TAFA1: variants seen among roughly 807,000 people sequenced by gnomAD.
TAFA1 encodes chemokine-like protein TAFA-1.
In TAFA1, 4 loss-of-function variants were observed where a neutral mutation model predicts 18.5. That is an observed-to-expected ratio of 0.22 (90% CI 0.11 to 0.49). The LOEUF is 0.49. Ranked by LOEUF, TAFA1 falls within the 20% of genes least tolerant of loss-of-function variation. The pLI is 0.98. For missense variants in TAFA1, 147 were observed against 169.0 expected (o/e 0.87, Z 0.72); for synonymous variants, 56 against 55.2 (o/e 1.01, Z -0.06).
intron 2 of TAFA1, among the ~76,000 whole-genome samples, chr3:68,146,880 C>A (rs559992858): frequency 6.6e-6 from 1 of 152,008 alleles, no homozygotes; most frequent in African/African-American, 2.4e-5. Context: ...GGTAAGCCTA[C>A]CTTTATACAA....
chr3:68,158,617 G>T (rs898347530), intron 2 of TAFA1, among the ~76,000 whole-genome samples: 3 of 152,108 alleles, frequency 2.0e-5, no homozygotes, highest in Non-Finnish European at 4.4e-5. Context: ...TACAGTCATT[G>T]GCTAGAATAG....
At position 68,335,267 on chromosome 3, in the gene TAFA1, T is replaced by C. The variant is rs1365228489; in HGVS notation, c.119-82013T>C. ...ATCACCAACGCTTTTATTTAGTAAA[T>C]GGAGAGTCAGAGGCATAAAAAATGA... On this transcript the variant is annotated intron_variant, in intron 2 of 4. Transcript: ENST00000478136. Among the ~76,000 whole-genome samples, 4 of 152,172 alleles carry C rather than the reference T, an allele frequency of 2.6e-5. No individual in the cohort carries two copies. The East Asian group carries it at 5.8e-4, about 22-fold the overall frequency.
At position 68,545,588 on chromosome 3, in the gene TAFA1, G is replaced by A. The variant is rs564601575; in HGVS notation, c.*1085G>A. ...GATCTATGTGACCAAATGTTGGACAGCCCTATTAAAGTGGTAAACAACTTC... is the reference window on the plus strand; with the variant it reads ...GATCTATGTGACCAAATGTTGGACAACCCTATTAAAGTGGTAAACAACTTC... On this transcript the variant is annotated 3_prime_UTR_variant, in exon 5 of 5. Coordinates refer to ENST00000478136, the MANE Select transcript of TAFA1 (RefSeq NM_213609.4). 6.5e-6 allele frequency: 1 copy of A among 152,690 alleles called. No homozygotes were observed. The highest frequency in any genetic ancestry group is 2.1e-4 in the South Asian group (1 of 4,818). 9.5% of individuals were successfully genotyped at this position (152,690 alleles called of 1,614,324 possible).
intron 3 of TAFA1, among the ~76,000 whole-genome samples, chr3:68,514,663 T>C (rs1298328199): frequency 6.7e-6 from 1 of 148,710 alleles, no homozygotes; most frequent in Non-Finnish European, 1.5e-5. Flanking sequence ...TCAGTAGTAA[T>C]AAAAATGCTA....
chr3:68,270,679 T>C (rs1243751106), intron 2 of TAFA1, among the ~76,000 whole-genome samples: 1 of 152,152 alleles, frequency 6.6e-6, no homozygotes, highest in East Asian at 1.9e-4. Flanking sequence ...CTACCCTCAT[T>C]AATTAGAGCT....
intron 3 of TAFA1, among the ~76,000 whole-genome samples, chr3:68,532,270 G>A (rs2073198974): frequency 6.6e-6 from 1 of 152,248 alleles, no homozygotes; most frequent in Non-Finnish European, 1.5e-5. Context: ...ACTGGTTATG[G>A]GAAAATGGCA....
Position 68,046,230 on chromosome 3 carries a change from G to A in TAFA1, c.118+39486G>A, listed in dbSNP as rs182846991. 5.3e-3 allele frequency among the ~76,000 whole-genome samples: 811 copies of A among 152,154 alleles called. 20 individuals carry two copies. The highest frequency in any genetic ancestry group is 3.7e-3 in the South Asian group (18 of 4,826). On this transcript the variant is annotated intron_variant, in intron 2 of 4. Transcript: ENST00000478136. ...TAGTTTCTGTACTACATGAAAAATT[G>A]GAACACAGGTCTAGATGATTTTTTT...
intron 3 of TAFA1, among the ~76,000 whole-genome samples, chr3:68,481,511 C>A (rs187740123): frequency 6.6e-6 from 1 of 152,252 alleles, no homozygotes. Flanking sequence ...TTCATGACAA[C>A]ACACCCTTTA....
intron 2 of TAFA1, among the ~76,000 whole-genome samples, chr3:68,235,480 G>A (rs572520304): frequency 6.6e-6 from 1 of 152,156 alleles, no homozygotes; most frequent in South Asian, 2.1e-4. Flanking sequence ...GGTATTGTGG[G>A]GATTAAAAAT....
intron 2 of TAFA1, among the ~76,000 whole-genome samples, chr3:68,139,659 C>T (rs1160317906): frequency 6.6e-6 from 1 of 152,132 alleles, no homozygotes; most frequent in Non-Finnish European, 1.5e-5. Context: ...CTTGAATACC[C>T]TAAGGGCATG....
chr3:68,205,109 C>T (rs1163872321), intron 2 of TAFA1, among the ~76,000 whole-genome samples: 2 of 151,740 alleles, frequency 1.3e-5, no homozygotes, highest in African/African-American at 2.4e-5. Context: ...TAGCACTGCA[C>T]CACAAGGATT....
chr3:68,011,566 C>A (rs1704472240), intron 2 of TAFA1, among the ~76,000 whole-genome samples: 1 of 152,142 alleles, frequency 6.6e-6, no homozygotes, highest in Non-Finnish European at 1.5e-5. Context: ...TTATTGAAAG[C>A]TGCTCAGAGA....
chr3:68,522,658 G>T (rs1027368475), intron 3 of TAFA1, among the ~76,000 whole-genome samples: 3 of 152,182 alleles, frequency 2.0e-5, no homozygotes, highest in Non-Finnish European at 2.9e-5. Flanking sequence ...AGACCAGCCT[G>T]GCCAACATGG....
intron 2 of TAFA1, among the ~76,000 whole-genome samples, chr3:68,137,986 A>G (rs1011866021): frequency 3.9e-5 from 6 of 152,026 alleles, no homozygotes; most frequent in African/African-American, 4.8e-5. Context: ...ACTATTTAAA[A>G]AAAAAAAAAA....
intron 2 of TAFA1, among the ~76,000 whole-genome samples, chr3:68,305,411 A>C (rs1344700132): frequency 1.1e-4 from 1 of 8,990 alleles, no homozygotes; most frequent in Non-Finnish European, 2.4e-4. Flanking sequence ...CTATATGACT[A>C]TATATATATA....
chr3:68,088,494 T>C (rs1195055082), intron 2 of TAFA1, among the ~76,000 whole-genome samples: 1 of 152,212 alleles, frequency 6.6e-6, no homozygotes, highest in Non-Finnish European at 1.5e-5. Flanking sequence ...GGTCATCAAA[T>C]ATTCCAAAGC....
In TAFA1 at chr3:68,094,046, A is replaced by G. The variant is rs186870284; in HGVS notation, c.118+87302A>G. 3.7e-3 allele frequency among the ~76,000 whole-genome samples: 567 copies of G among 152,258 alleles called. 5 individuals are homozygous for G. The highest frequency in any genetic ancestry group is 0.013 in the African/African-American group (530 of 41,550). Reference sequence around the variant, plus strand: ...AAATAAATCTAATTTGACAGTCAACATGTATAAGGATTTTGTTATTGTAGA... The same window carrying G: ...AAATAAATCTAATTTGACAGTCAACGTGTATAAGGATTTTGTTATTGTAGA... On this transcript the variant is annotated intron_variant, in intron 2 of 4. Transcript: ENST00000478136.
At chr3:68,268,520 T>A (rs2067592584) in intron 2 of TAFA1, among the ~76,000 whole-genome samples, 1 of 152,060 alleles carries the variant, frequency 6.6e-6, no homozygotes, top group Non-Finnish European at 1.5e-5. Context: ...ATGGGTATTA[T>A]CATCATTTTT....
chr3:68,300,430 C>T (rs541541952), intron 2 of TAFA1, among the ~76,000 whole-genome samples: 8 of 152,284 alleles, frequency 5.3e-5, no homozygotes, highest in Admixed American at 1.3e-4. Context: ...GCCGCTACCC[C>T]CATTGTATCT....
Sources: gnomAD v4.1 joint callset for allele counts (sites outside exome capture counted in the v4.1 genomes callset) on GRCh38, gnomAD v4.1.1 for gene constraint, MANE v1.5 for transcripts, NCBI Gene and HGNC (gene_info 2026-07-23, HGNC 2026-07-21) for gene names.